ANO3: variants seen among roughly 807,000 people sequenced by gnomAD.
ANO3 encodes the protein anoctamin 3, also known as anoctamin-3.
ANO3 carries 99 observed loss-of-function variants against 144.8 expected under a neutral mutation model. The ratio of observed to expected loss-of-function variants is 0.68; its 90% confidence interval spans 0.58 to 0.81. ANO3 has a LOEUF of 0.81. Among genes scored for constraint, ANO3 ranks in the 30% least tolerant of loss-of-function variants. ANO3 has a pLI of 0.00. For synonymous variants in ANO3, 414 were observed against 392.6 expected, an observed-to-expected ratio of 1.05 and a Z score of -0.64; for missense variants, 905 against 1,202.2, an observed-to-expected ratio of 0.75 and a Z score of 3.66.
rs76263919 is a variant in ANO3, at chr11:26,437,525, T to C, written c.47-4393T>C. On this transcript the variant is annotated intron_variant, in intron 1 of 26. Transcript: ENST00000256737. ...CTGTCTTGATTTTCTCCATTCTCCA[T>C]TGGTCAGCTTGTTTTCTTGATGAAT... Among the ~76,000 whole-genome samples, 1,043 of 152,326 alleles carry C rather than the reference T, an allele frequency of 6.8e-3. 6 individuals are homozygous for C. Among genetic ancestry groups the C allele is most frequent in the African/African-American group, 0.023 (966 of 41,580 alleles).
At chr11:26,373,182 G>A (rs1042894978) in intron 1 of ANO3, among the ~76,000 whole-genome samples, 2 of 152,094 alleles carry the variant, frequency 1.3e-5, no homozygotes, top group African/African-American at 4.8e-5. Context: ...AGAGTAGCAG[G>A]TGATATGGTT....
intron 1 of ANO3, among the ~76,000 whole-genome samples, chr11:26,273,846 C>T (rs1296711223): frequency 6.6e-6 from 1 of 152,100 alleles, no homozygotes; most frequent in Non-Finnish European, 1.5e-5. Flanking sequence ...TGTCAGAAAA[C>T]AAATTGACAT....
chr11:26,256,606 A>T (rs1461399), intron 1 of ANO3, among the ~76,000 whole-genome samples: 54,744 of 151,824 alleles, frequency 0.36, 9,995 homozygotes, highest in South Asian at 0.39. Context: ...ACCCTATGAG[A>T]TTTTTGTAAT....
At chr11:26,537,119 A>C (rs1248551269) in intron 9 of ANO3, among the ~76,000 whole-genome samples, 1 of 151,928 alleles carries the variant, frequency 6.6e-6, no homozygotes, top group East Asian at 1.9e-4. Context: ...TCTGGGTCAC[A>C]TGATCCTAAC....
chr11:26,201,054 C>T (rs1307891785), intron 1 of ANO3, among the ~76,000 whole-genome samples: 2 of 152,042 alleles, frequency 1.3e-5, no homozygotes, highest in African/African-American at 4.8e-5. Flanking sequence ...TCAAAGATGT[C>T]CAAAATCACA....
chr11:26,437,998 A>C (rs1858354600), intron 1 of ANO3, among the ~76,000 whole-genome samples: 2 of 152,156 alleles, frequency 1.3e-5, no homozygotes, highest in Non-Finnish European at 2.9e-5. Context: ...CTAAGGAATA[A>C]AATTATATAA....
intron 6 of ANO3, among the ~76,000 whole-genome samples, chr11:26,522,683 T>G (rs1298252982): frequency 6.6e-6 from 1 of 152,166 alleles, no homozygotes; most frequent in Non-Finnish European, 1.5e-5. Flanking sequence ...AGGTTGTTGT[T>G]TGCTTCCTGG....
At chr11:26,456,069 C>T (rs373958548) in intron 3 of ANO3, among the ~76,000 whole-genome samples, 3 of 151,606 alleles carry the variant, frequency 2.0e-5, no homozygotes, top group Admixed American at 6.6e-5. Context: ...ATACAAAAAT[C>T]AATTCAAGAT....
At chr11:26,343,982 C>G (rs1855431690) in intron 1 of ANO3, among the ~76,000 whole-genome samples, 1 of 152,186 alleles carries the variant, frequency 6.6e-6, no homozygotes, top group African/African-American at 2.4e-5. Flanking sequence ...ATTTAACACA[C>G]TTTCCTTATT....
intron 1 of ANO3, among the ~76,000 whole-genome samples, chr11:26,362,077 G>T (rs1855942825): frequency 6.6e-6 from 1 of 152,116 alleles, no homozygotes; most frequent in Non-Finnish European, 1.5e-5. Context: ...GACTCAGGTT[G>T]CAGCTTCTTT....
At chr11:26,535,404 T>G (rs1214669952) in intron 9 of ANO3, among the ~76,000 whole-genome samples, 1 of 152,010 alleles carries the variant, frequency 6.6e-6, no homozygotes, top group Non-Finnish European at 1.5e-5. Context: ...AAGATATACT[T>G]TTAATTATAG....
intron 1 of ANO3, among the ~76,000 whole-genome samples, chr11:26,250,032 C>A (rs185410619): frequency 2.0e-5 from 3 of 152,258 alleles, no homozygotes; most frequent in East Asian, 3.9e-4. Context: ...CATCACTGTC[C>A]CTGTCGCTTC....
At chr11:26,388,593 G>A (rs1010580546) in intron 1 of ANO3, among the ~76,000 whole-genome samples, 9 of 152,050 alleles carry the variant, frequency 5.9e-5, no homozygotes, top group African/African-American at 1.7e-4. Context: ...TACAATATAC[G>A]TATGACTAGC....
chr11:26,424,543 A>G (rs1857863091), intron 1 of ANO3, among the ~76,000 whole-genome samples: 2 of 152,076 alleles, frequency 1.3e-5, no homozygotes, highest in South Asian at 2.1e-4. Context: ...ATCAGCTAAC[A>G]CCATTTTCTA....
At chr11:26,412,408 A>G (rs958513594) in intron 1 of ANO3, among the ~76,000 whole-genome samples, 4 of 152,100 alleles carry the variant, frequency 2.6e-5, no homozygotes, top group African/African-American at 9.7e-5. Context: ...TAATAATCAA[A>G]ATAATGAAAA....
At chr11:26,448,243 G>A (rs1023393933) in intron 3 of ANO3, among the ~76,000 whole-genome samples, 91 of 150,136 alleles carry the variant, frequency 6.1e-4, no homozygotes, top group African/African-American at 2.2e-3. Flanking sequence ...AGGTTGCGGT[G>A]AGCCGAGATC....
intron 1 of ANO3, among the ~76,000 whole-genome samples, chr11:26,441,249 C>T (rs917074587): frequency 1.3e-5 from 2 of 149,172 alleles, no homozygotes; most frequent in Admixed American, 1.3e-4. Flanking sequence ...TCCCAAGTAG[C>T]TGGGACTACA....
At chr11:26,194,460 G>A (rs879279941) in intron 1 of ANO3, among the ~76,000 whole-genome samples, 1,959 of 150,262 alleles carry the variant, frequency 0.013, 42 homozygotes, top group East Asian at 0.093. Context: ...GTGTGTGTGT[G>A]TGTGTGTGTG....
chr11:26,480,635 T>A (rs1860174356), intron 4 of ANO3, among the ~76,000 whole-genome samples: 1 of 151,872 alleles, frequency 6.6e-6, no homozygotes, highest in Non-Finnish European at 1.5e-5. Flanking sequence ...TGGTGAAACC[T>A]TGTCTCTACT....
Sources: allele counts gnomAD v4.1 joint callset (sites outside exome capture counted in the v4.1 genomes callset), GRCh38; gene constraint gnomAD v4.1.1; transcripts MANE v1.5; gene names NCBI Gene and HGNC (gene_info 2026-07-23, HGNC 2026-07-21).